The following XRRA1 variants were observed in gnomAD, a reference collection of about 807,000 sequenced individuals.
XRRA1 encodes the protein X-ray radiation resistance associated 1, also known as X-ray radiation resistance-associated protein 1.
In XRRA1, 69 loss-of-function variants were observed where a neutral mutation model predicts 80.2. That is an observed-to-expected ratio of 0.86 (90% CI 0.71 to 1.05). The LOEUF (loss-of-function observed/expected upper bound fraction) is 1.05, where lower values mean the gene tolerates loss of function less well. XRRA1 is among the 50% of genes least tolerant of loss of function. The pLI is 0.00. For synonymous variants in XRRA1, 348 were observed against 389.9 expected, an observed-to-expected ratio of 0.89 and a Z score of 1.27; for missense variants, 967 against 976.4, an observed-to-expected ratio of 0.99 and a Z score of 0.13.
intron 3 of XRRA1, 50 bp from the exon 4 acceptor site, chr11:74,937,118 C>T (rs753974351): frequency 2.7e-5 from 42 of 1,567,882 alleles, no homozygotes; most frequent in East Asian, 1.8e-4. Flanking sequence ...AAAGCTACAA[C>T]GAGTGCAGTT....
intron 4 of XRRA1, among the ~76,000 whole-genome samples, chr11:74,935,032 A>G (rs1944595004): frequency 6.6e-6 from 1 of 152,212 alleles, no homozygotes; most frequent in Admixed American, 6.5e-5. Context: ...GCTCCAAGCA[A>G]TAAGTCGTGA....
In XRRA1 at chr11:74,875,688, G is replaced by A. The variant is rs191296867; in HGVS notation, c.1004-12667C>T. ...GTTCGAGACCAGCCTGGCCAACATTGCAAAACCCCATCTCTACTAATAATA... is the reference window on the plus strand; with the variant it reads ...GTTCGAGACCAGCCTGGCCAACATTACAAAACCCCATCTCTACTAATAATA... On this transcript the variant is annotated intron_variant, in intron 10 of 18. Transcript: ENST00000684022. Among the ~76,000 whole-genome samples, 33 of 152,230 alleles carry A rather than the reference G, an allele frequency of 2.2e-4. No homozygotes were observed. In the East Asian group the frequency reaches 3.9e-3, roughly 18 times the overall value.
At chr11:74,917,296 A>G (rs572213088) in intron 8 of XRRA1, among the ~76,000 whole-genome samples, 1 of 152,286 alleles carries the variant, frequency 6.6e-6, no homozygotes, top group South Asian at 2.1e-4. Flanking sequence ...GAACCATGAG[A>G]TTGGGAGTTA....
Position 74,947,377 on chromosome 11 carries a change from T to A in XRRA1, c.-73+1551A>T, listed in dbSNP as rs144860249. On this transcript the variant is annotated intron_variant, in intron 1 of 18. Transcript: ENST00000684022. ...CCTGTCTCTACTAAAAATATAAAAA[T>A]TAGCCAGGTGTGGTGGCATGTGCCT... is the stretch of plus-strand genomic sequence containing the variant. 3.0e-3 allele frequency among the ~76,000 whole-genome samples: 455 copies of A among 152,018 alleles called. 4 individuals carry two copies. Among genetic ancestry groups the A allele is most frequent in the Non-Finnish European group, 2.9e-3 (194 of 67,976 alleles).
chr11:74,919,360 C>A (rs1396832418), intron 8 of XRRA1, among the ~76,000 whole-genome samples: 1 of 152,088 alleles, frequency 6.6e-6, no homozygotes, highest in Non-Finnish European at 1.5e-5. Flanking sequence ...TGATAGGTAC[C>A]TGGAGTCAAT....
chr11:74,860,405 C>A (rs2042071737), intron 11 of XRRA1, among the ~76,000 whole-genome samples: 1 of 152,172 alleles, frequency 6.6e-6, no homozygotes. Flanking sequence ...GGGGGTAAGT[C>A]ATACTGCAGT....
At chr11:74,919,712 C>A in intron 8 of XRRA1, 1 of 498,968 alleles carries the variant, frequency 2.0e-6, no homozygotes, top group South Asian at 1.7e-5. Context: ...AGAAGCATGC[C>A]CCTTGAGCAC....
intron 8 of XRRA1, among the ~76,000 whole-genome samples, chr11:74,911,728 A>T (rs1343063568): frequency 6.6e-6 from 1 of 152,128 alleles, no homozygotes; most frequent in African/African-American, 2.4e-5. Context: ...CATCATTTTA[A>T]TATGTATAAG....
rs958498748 is a variant in XRRA1 at position 74,867,600 on chromosome 11, T to C, written c.1004-4579A>G. The stretch of plus-strand genomic sequence containing the variant: ...GTAAAGAGACCAAAAATATGACTCA[T>C]TGGTATCCCTGAAATGCAAGGAGAG... On this transcript the variant is annotated intron_variant, in intron 10 of 18. Transcript: ENST00000684022. 4.6e-5 allele frequency among the ~76,000 whole-genome samples: 7 copies of C among 152,126 alleles called. 1 individual carries two copies. The highest frequency in any genetic ancestry group is 1.3e-4 in the Admixed American group (2 of 15,260).
intron 3 of XRRA1, among the ~76,000 whole-genome samples, chr11:74,940,058 G>A (rs896484830): frequency 6.6e-6 from 1 of 152,186 alleles, no homozygotes; most frequent in Admixed American, 6.5e-5. Flanking sequence ...TCCATATACA[G>A]AGTGACCAAC....
chr11:74,890,397 A>T (rs1178608872), intron 10 of XRRA1, among the ~76,000 whole-genome samples: 1 of 152,264 alleles, frequency 6.6e-6, no homozygotes, highest in East Asian at 1.9e-4. Context: ...GACACATTCA[A>T]AGCAGTGTGT....
chr11:74,861,057 C>T (rs2042193697), intron 11 of XRRA1, among the ~76,000 whole-genome samples: 1 of 152,196 alleles, frequency 6.6e-6, no homozygotes, highest in African/African-American at 2.4e-5. Context: ...AAGCTCTGGA[C>T]TCTGAGGTGT....
At chr11:74,892,644 G>T (rs1430239659) in intron 10 of XRRA1, among the ~76,000 whole-genome samples, 1 of 152,006 alleles carries the variant, frequency 6.6e-6, no homozygotes, top group East Asian at 1.9e-4. Flanking sequence ...GAACATTTTT[G>T]CAATCTACTC....
In XRRA1 at chr11:74,852,124, C is replaced by T. The variant is rs200175487; in HGVS notation, c.1171-42G>A. The stretch of plus-strand genomic sequence containing the variant: ...AGAGACTCTCAGGTTGACACCACCC[C>T]TCACCTCTACCCAGGTATGTCTAGG... On this transcript the variant is annotated intron_variant, in intron 12 of 18. Transcript: ENST00000684022. The T allele has an allele frequency of 2.0e-3, 3,049 of 1,529,630 alleles. 31 individuals carry two copies. Among genetic ancestry groups the T allele is most frequent in the South Asian group, 0.018 (1,630 of 89,410 alleles). The allele number at this position is 1,529,630 out of a possible 1,614,324, so 94.8% of individuals were successfully genotyped here. A position where few individuals can be genotyped will look rare whatever the true frequency, so the allele number is the denominator to read the frequency against.
intron 10 of XRRA1, among the ~76,000 whole-genome samples, chr11:74,878,895 T>C (rs1326397875): frequency 0.02 from 3,106 of 151,698 alleles, 99 homozygotes; most frequent in African/African-American, 0.071. Context: ...AGTCAGGTAG[T>C]GTGATGCCTC....
chr11:74,846,222 G>A (rs1040252329), intron 15 of XRRA1: 1 of 152,128 alleles, frequency 6.6e-6, no homozygotes, highest in Admixed American at 6.5e-5. Context: ...ATACGTGTGT[G>A]TATTTGTGAA....
intron 10 of XRRA1, among the ~76,000 whole-genome samples, chr11:74,874,161 G>A (rs1380883670): frequency 2.7e-5 from 4 of 145,570 alleles, no homozygotes; most frequent in East Asian, 4.3e-4. Context: ...GCATGAACCC[G>A]GGAGGTGGAG....
At chr11:74,915,732 G>A (rs1938431332) in intron 8 of XRRA1, among the ~76,000 whole-genome samples, 1 of 152,124 alleles carries the variant, frequency 6.6e-6, no homozygotes, top group African/African-American at 2.4e-5. Context: ...TTTTGTAATT[G>A]CCCATGTATT....
At chr11:74,943,553 G>A (rs61894840) in intron 2 of XRRA1, among the ~76,000 whole-genome samples, 1 of 122,612 alleles carries the variant, frequency 8.2e-6, no homozygotes, top group African/African-American at 2.7e-5. Flanking sequence ...GTGTGTGTGT[G>A]TGTGTGTGTA....
Sources: gnomAD v4.1 joint callset for allele counts (sites outside exome capture counted in the v4.1 genomes callset) on GRCh38, gnomAD v4.1.1 for gene constraint, MANE v1.5 for transcripts, NCBI Gene and HGNC (gene_info 2026-07-23, HGNC 2026-07-21) for gene names.